The following ARHGEF3 variants were observed in gnomAD, a reference collection of about 807,000 sequenced individuals.
ARHGEF3 encodes Rho guanine nucleotide exchange factor 3.
A neutral mutation model predicts 63.2 loss-of-function variants in ARHGEF3; 28 were observed. That is an observed-to-expected ratio of 0.44 (90% CI 0.33 to 0.61). The LOEUF (loss-of-function observed/expected upper bound fraction) is 0.61. ARHGEF3 is among the 20% of genes least tolerant of loss of function. The probability of loss-of-function intolerance (pLI) is 0.03; values close to 1 mark genes in which losing one functional copy is unlikely to be tolerated. For synonymous variants in ARHGEF3, 266 were observed against 254.2 expected (o/e 1.05, Z -0.44); for missense variants, 533 against 659.3 (o/e 0.81, Z 2.10).
chr3:56,881,104 T>C (rs987227062), intron 4 of ARHGEF3, among the ~76,000 whole-genome samples: 1 of 152,238 alleles, frequency 6.6e-6, no homozygotes, highest in Non-Finnish European at 1.5e-5. Flanking sequence ...TCTAATGAGT[T>C]TCCTTTTCAC....
At chr3:56,898,724 C>T (rs116689850) in intron 3 of ARHGEF3, 3,033 of 160,000 alleles carry the variant, frequency 0.019, 43 homozygotes, top group South Asian at 0.043. Context: ...CGTGGGCAGC[C>T]GGCATTCAAC....
At chr3:56,747,821 C>T (rs1228341926) in intron 6 of ARHGEF3, among the ~76,000 whole-genome samples, 2 of 151,870 alleles carry the variant, frequency 1.3e-5, no homozygotes, top group Admixed American at 6.6e-5. Flanking sequence ...GAGACTGTCT[C>T]GGAAAAAAGG....
At chr3:57,004,971 A>AAT (rs142618755) in intron 2 of ARHGEF3, among the ~76,000 whole-genome samples, 3,630 of 148,060 alleles carry the variant, frequency 0.025, 76 homozygotes, top group African/African-American at 0.053. Flanking sequence ...AAAATAAATA[A>AAT]ATATATATAT....
At chr3:56,920,469 A>G (rs1348317084) in intron 3 of ARHGEF3, among the ~76,000 whole-genome samples, 1 of 152,240 alleles carries the variant, frequency 6.6e-6, no homozygotes, top group Non-Finnish European at 1.5e-5. Flanking sequence ...TACCAAAGAT[A>G]TTATAAGGAA....
At chr3:57,067,531 T>A (rs1335318006) in intron 1 of ARHGEF3, among the ~76,000 whole-genome samples, 2 of 149,512 alleles carry the variant, frequency 1.3e-5, no homozygotes, top group Non-Finnish European at 3.0e-5. Flanking sequence ...AGTAGATATA[T>A]TTGTTTTCAA....
At chr3:56,840,519 TTACAGAC>T (rs981074854) in intron 4 of ARHGEF3, among the ~76,000 whole-genome samples, 5 of 152,232 alleles carry the variant, frequency 3.3e-5, no homozygotes, top group Admixed American at 2.0e-4. Flanking sequence ...AGTTCATTGT[TTACAGAC>T]CGTCTCTCAC....
At chr3:56,967,511 A>AAATATATTACATAAT (rs1700596784) in intron 2 of ARHGEF3, among the ~76,000 whole-genome samples, 3 of 86,212 alleles carry the variant, frequency 3.5e-5, no homozygotes, top group Non-Finnish European at 5.9e-5. Flanking sequence ...CATAATATAT[A>AAATATATTACATAAT]ATATAATATA....
At chr3:57,052,566 G>A (rs1579172930) in intron 1 of ARHGEF3, among the ~76,000 whole-genome samples, 1 of 151,528 alleles carries the variant, frequency 6.6e-6, no homozygotes, top group Admixed American at 6.6e-5. Flanking sequence ...CAAAGTGCTG[G>A]GATTACAGGC....
intron 3 of ARHGEF3, chr3:56,916,402 C>A: frequency 6.6e-7 from 1 of 1,524,874 alleles, no homozygotes; most frequent in Non-Finnish European, 8.8e-7. Context: ...GAGCCCTGTG[C>A]ACAGGATTCT....
chr3:57,027,200 G>C (rs887026607), intron 2 of ARHGEF3, among the ~76,000 whole-genome samples: 1 of 152,154 alleles, frequency 6.6e-6, no homozygotes, highest in Admixed American at 6.6e-5. Flanking sequence ...AAGTACCACT[G>C]TTATCCACCT....
chr3:57,075,506 T>C (rs1197811966), intron 1 of ARHGEF3: 1 of 111,644 alleles, frequency 9.0e-6, no homozygotes, highest in Non-Finnish European at 2.1e-5. Flanking sequence ...TTTTCTTCTT[T>C]TTTTAAGAAA....
intron 1 of ARHGEF3, among the ~76,000 whole-genome samples, chr3:56,797,142 A>G (rs563301158): frequency 1.3e-5 from 2 of 152,252 alleles, no homozygotes; most frequent in African/African-American, 2.4e-5. Flanking sequence ...CCATTTTACC[A>G]TTGAGGAAAC....
At chr3:56,809,300 T>G (rs1319870452) in intron 4 of ARHGEF3, among the ~76,000 whole-genome samples, 3 of 152,174 alleles carry the variant, frequency 2.0e-5, no homozygotes, top group Non-Finnish European at 4.4e-5. Flanking sequence ...CAGTGAAAAT[T>G]AAAATTTCAA....
At chr3:56,987,305 T>C (rs925562733) in intron 2 of ARHGEF3, among the ~76,000 whole-genome samples, 2 of 152,218 alleles carry the variant, frequency 1.3e-5, no homozygotes, top group African/African-American at 4.8e-5. Context: ...ATCTTGCAGA[T>C]GAGGAATCTG....
At chr3:56,919,120 C>T (rs2042059758) in intron 3 of ARHGEF3, among the ~76,000 whole-genome samples, 1 of 152,172 alleles carries the variant, frequency 6.6e-6, no homozygotes, top group Admixed American at 6.5e-5. Context: ...TCAGTTCCAG[C>T]TTTTCGGGTT....
intron 3 of ARHGEF3, among the ~76,000 whole-genome samples, chr3:56,907,948 G>A (rs2041745699): frequency 6.6e-6 from 1 of 152,102 alleles, no homozygotes; most frequent in Non-Finnish European, 1.5e-5. Context: ...TGAAATAATC[G>A]ATACAACAAA....
intron 3 of ARHGEF3, among the ~76,000 whole-genome samples, chr3:56,754,161 T>C (rs905363518): frequency 1.3e-5 from 2 of 152,234 alleles, no homozygotes; most frequent in African/African-American, 4.8e-5. Context: ...AATAAAATTA[T>C]AGGCGCTGGC....
intron 1 of ARHGEF3, among the ~76,000 whole-genome samples, chr3:57,053,009 C>T (rs1219649983): frequency 1.3e-5 from 2 of 152,208 alleles, no homozygotes; most frequent in Non-Finnish European, 2.9e-5. Flanking sequence ...CAAACAGAAG[C>T]AGATTTGCCC....
chr3:56,945,778 T>C (rs959242863), intron 3 of ARHGEF3, among the ~76,000 whole-genome samples: 5 of 151,848 alleles, frequency 3.3e-5, no homozygotes, highest in Non-Finnish European at 5.9e-5. Flanking sequence ...TTGAAGAGAG[T>C]AGTGGTTCTC....
Sources: allele counts gnomAD v4.1 joint callset (sites outside exome capture counted in the v4.1 genomes callset), GRCh38; gene constraint gnomAD v4.1.1; transcripts MANE v1.5; gene names NCBI Gene and HGNC (gene_info 2026-07-23, HGNC 2026-07-21).